The following WWOX variants were observed in gnomAD, a reference collection of about 807,000 sequenced individuals.
The protein encoded by WWOX is WW domain-containing oxidoreductase.
WWOX carries 69 observed loss-of-function variants against 46.2 expected under a neutral mutation model. The ratio of observed to expected loss-of-function variants is 1.49; its 90% CI spans 1.23 to 1.82. WWOX has a LOEUF of 1.82. Among genes scored for constraint, WWOX ranks in the 40% most tolerant of loss-of-function variants. The probability of loss-of-function intolerance (pLI) is 0.00; values close to 1 mark genes in which losing one functional copy is unlikely to be tolerated. For missense variants in WWOX, 919 were observed against 542.6 expected (o/e 1.69, Z -6.89); for synonymous variants, 359 against 202.6 (o/e 1.77, Z -6.56).
intron 8 of WWOX, among the ~76,000 whole-genome samples, chr16:78,985,932 G>A (rs569903429): frequency 1.7e-4 from 26 of 152,190 alleles, no homozygotes; most frequent in Admixed American, 1.6e-3. Flanking sequence ...CACCTTGACT[G>A]GCCGAGAAAT....
At chr16:79,028,784 T>G (rs1376949713) in intron 8 of WWOX, among the ~76,000 whole-genome samples, 1 of 151,780 alleles carries the variant, frequency 6.6e-6, no homozygotes, top group East Asian at 1.9e-4. Flanking sequence ...ATAATTACAT[T>G]TGGTTTGCTT....
intron 8 of WWOX, chr16:78,892,324 A>T (rs990175133): frequency 4.6e-5 from 7 of 152,316 alleles, no homozygotes; most frequent in African/African-American, 1.7e-4. Context: ...CTAAAATCAA[A>T]TGGCTTCTGC....
rs142522549 is a variant in WWOX at position 78,828,620 on chromosome 16, A to G, written c.1057-382988A>G. Among the ~76,000 whole-genome samples, 118 of 152,284 alleles carry G rather than the reference A, an allele frequency of 7.7e-4. 2 individuals carry two copies. The highest frequency in any genetic ancestry group is 2.5e-3 in the African/African-American group (106 of 41,576). ...TCTATCGGACACATGTCCTAATAATAAACGTGATATAATCTATCATTATTT... is the reference window on the plus strand; with the variant it reads ...TCTATCGGACACATGTCCTAATAATGAACGTGATATAATCTATCATTATTT... On this transcript the variant is annotated intron_variant, in intron 8 of 8. Coordinates refer to ENST00000566780, the MANE Select transcript of WWOX (RefSeq NM_016373.4).
chr16:78,653,890 A>C (rs754554528), intron 8 of WWOX, among the ~76,000 whole-genome samples: 1 of 152,376 alleles, frequency 6.6e-6, no homozygotes, highest in South Asian at 2.1e-4. Context: ...TATTACATGC[A>C]GCAGGACACA....
intron 8 of WWOX, among the ~76,000 whole-genome samples, chr16:78,710,727 A>G (rs1014639260): frequency 6.6e-6 from 1 of 150,824 alleles, no homozygotes; most frequent in Non-Finnish European, 1.5e-5. Flanking sequence ...TGATTCTCTC[A>G]TCTTAGCCTC....
chr16:78,362,703 G>A (rs543015477), intron 5 of WWOX, among the ~76,000 whole-genome samples: 1 of 152,154 alleles, frequency 6.6e-6, no homozygotes, highest in Non-Finnish European at 1.5e-5. Flanking sequence ...GGGGCTTGGA[G>A]GGTTTCCAGG....
intron 8 of WWOX, among the ~76,000 whole-genome samples, chr16:78,578,271 TA>T (rs1567657325): frequency 1.0e-3 from 35 of 33,760 alleles, no homozygotes; most frequent in African/African-American, 2.5e-3. Flanking sequence ...TATATATATA[TA>T]TATATATATA....
intron 8 of WWOX, among the ~76,000 whole-genome samples, chr16:79,189,752 G>T (rs2051094232): frequency 6.6e-6 from 1 of 151,878 alleles, no homozygotes; most frequent in African/African-American, 2.4e-5. Context: ...CATTTGCTTG[G>T]CTGTCCTGAA....
At chr16:78,829,415 G>T (rs1474376786) in intron 8 of WWOX, among the ~76,000 whole-genome samples, 2 of 152,180 alleles carry the variant, frequency 1.3e-5, no homozygotes, top group Admixed American at 1.3e-4. Context: ...CACCCCTACA[G>T]GGCAGGGCAA....
In WWOX at chr16:78,330,411, T is replaced by TC. The variant is rs1450441018; in HGVS notation, c.517-56449_517-56448insC. On this transcript the variant is annotated intron_variant, in intron 5 of 8. Transcript: ENST00000566780. ...TCACCAGTGATAATTTTTTTTTTTTTTCCCCTGAGAAAGTCTTGCTCTGTT... is the reference window on the plus strand; with the variant it reads ...TCACCAGTGATAATTTTTTTTTTTTTCTCCCCTGAGAAAGTCTTGCTCTGTT... Among the ~76,000 whole-genome samples the TC allele has an allele frequency of 1.3e-4, 19 of 150,806 alleles. No individual in the cohort carries two copies. The East Asian group carries it at 3.5e-3, about 28-fold the overall frequency.
At chr16:78,650,626 T>G (rs1475905275) in intron 8 of WWOX, among the ~76,000 whole-genome samples, 1 of 152,202 alleles carries the variant, frequency 6.6e-6, no homozygotes, top group African/African-American at 2.4e-5. Flanking sequence ...GTTGTCATAG[T>G]GATGTATTTA....
At chr16:78,735,217 C>G (rs915972705) in intron 8 of WWOX, among the ~76,000 whole-genome samples, 2 of 152,064 alleles carry the variant, frequency 1.3e-5, no homozygotes, top group African/African-American at 4.8e-5. Flanking sequence ...ATCAGCATTT[C>G]TTGTGTTTTG....
intron 5 of WWOX, among the ~76,000 whole-genome samples, chr16:78,333,392 A>C (rs9934335): frequency 0.12 from 17,499 of 152,054 alleles, 1,138 homozygotes; most frequent in East Asian, 0.13. Context: ...TTTTATTTTA[A>C]TGTTTATATA....
chr16:78,260,439 C>T (rs1042437077), intron 5 of WWOX, among the ~76,000 whole-genome samples: 1 of 151,362 alleles, frequency 6.6e-6, no homozygotes, highest in Non-Finnish European at 1.5e-5. Flanking sequence ...CCAAGGCGGG[C>T]AGATCACTTG....
At chr16:78,244,525 T>C (rs754985925) in intron 5 of WWOX, among the ~76,000 whole-genome samples, 1 of 152,174 alleles carries the variant, frequency 6.6e-6, no homozygotes, top group Non-Finnish European at 1.5e-5. Flanking sequence ...CTCCCCAAGA[T>C]TTTTATGGTT....
chr16:78,450,010 T>A (rs1207621725), intron 8 of WWOX, among the ~76,000 whole-genome samples: 1 of 151,470 alleles, frequency 6.6e-6, no homozygotes, highest in Non-Finnish European at 1.5e-5. Flanking sequence ...TTGTTATGAT[T>A]TTTTTTAAGC....
intron 8 of WWOX, among the ~76,000 whole-genome samples, chr16:78,652,952 G>A (rs2046999568): frequency 6.6e-6 from 1 of 151,864 alleles, no homozygotes; most frequent in South Asian, 2.1e-4. Context: ...TTTGATTATG[G>A]TAATAAATAA....
chr16:78,814,104 G>A (rs1375177154), intron 8 of WWOX, among the ~76,000 whole-genome samples: 1 of 152,210 alleles, frequency 6.6e-6, no homozygotes, highest in Admixed American at 6.5e-5. Flanking sequence ...TTTCAGTGCA[G>A]GACAGTGTGT....
chr16:78,523,778 G>T (rs760392707), intron 8 of WWOX, among the ~76,000 whole-genome samples: 4 of 152,190 alleles, frequency 2.6e-5, no homozygotes, highest in Non-Finnish European at 5.9e-5. Context: ...ATGAGAGCAT[G>T]ACCCTGGGGG....
Sources: allele counts gnomAD v4.1 joint callset (sites outside exome capture counted in the v4.1 genomes callset), GRCh38; gene constraint gnomAD v4.1.1; transcripts MANE v1.5; gene names NCBI Gene and HGNC (gene_info 2026-07-23, HGNC 2026-07-21).